SF3A2: variants seen among roughly 807,000 people sequenced by gnomAD.
The protein encoded by SF3A2 is splicing factor 3a subunit 2.
In SF3A2, 5 loss-of-function variants were observed where a neutral mutation model predicts 31.1. The observed-to-expected ratio is 0.16, with a 90% CI of 0.08 to 0.34. The LOEUF (loss-of-function observed/expected upper bound fraction) is 0.34. SF3A2 is among the 10% of genes least tolerant of loss of function. The pLI is 1.00. For synonymous variants in SF3A2, 365 were observed against 263.7 expected, an observed-to-expected ratio of 1.38 and a Z score of -3.72; for missense variants, 577 against 643.9, an observed-to-expected ratio of 0.90 and a Z score of 1.13.
chr19:2,237,907 G>C (rs1475579349), intron 1 of SF3A2: 6 of 152,250 alleles, frequency 3.9e-5, no homozygotes, highest in African/African-American at 1.4e-4. Context: ...TGTTGGCTAG[G>C]TTAAGGAGAG....
chr19:2,247,269 G>T, intron 7 of SF3A2: 1 of 544,178 alleles, frequency 1.8e-6, no homozygotes, highest in Non-Finnish European at 3.2e-6. Context: ...GGCCTGTGAG[G>T]CCTTTGCCAA....
At chr19:2,247,128 GCCC>G in intron 7 of SF3A2, 106 bp downstream of exon 7, 3 of 1,150,178 alleles carry the variant, frequency 2.6e-6, no homozygotes, top group Non-Finnish European at 3.6e-6. Flanking sequence ...GGTCCCCTGG[GCCC>G]CCCCCAAGTC....
intron 1 of SF3A2, among the ~76,000 whole-genome samples, chr19:2,242,400 CG>C (rs755213936): frequency 5.3e-5 from 8 of 152,180 alleles, no homozygotes; most frequent in Non-Finnish European, 1.2e-4. Flanking sequence ...TGCCTTGCCT[CG>C]GGGCCCCTTC....
chr19:2,240,436 C>T (rs1316675097), intron 1 of SF3A2, among the ~76,000 whole-genome samples: 1 of 152,224 alleles, frequency 6.6e-6, no homozygotes, highest in Non-Finnish European at 1.5e-5. Flanking sequence ...GGGGTGCCGC[C>T]CCATTTCAGC....
At chr19:2,241,019 C>T (rs756136461) in intron 1 of SF3A2, among the ~76,000 whole-genome samples, 3 of 152,194 alleles carry the variant, frequency 2.0e-5, no homozygotes, top group African/African-American at 7.2e-5. Context: ...CATGGGTGGG[C>T]GCTGTGGAGA....
At chr19:2,244,874 GC>G in intron 4 of SF3A2, 95 bp downstream of exon 4, 4 of 1,222,656 alleles carry the variant, frequency 3.3e-6, no homozygotes, top group Non-Finnish European at 4.7e-6. Flanking sequence ...CAGCCGGGGA[GC>G]CAGCCTGGCC....
At position 2,248,356 on chromosome 19, in the gene SF3A2, C is replaced by T. The variant is rs764127803; in HGVS notation, c.1205C>T (p.Pro402Leu). The T allele has an allele frequency of 7.2e-7, 1 of 1,385,604 alleles. No homozygotes were observed. Among genetic ancestry groups the T allele is most frequent in the Non-Finnish European group, 9.3e-7 (1 of 1,074,108 alleles). The allele number at this position is 1,385,604 out of a possible 1,614,324, so 85.8% of individuals were successfully genotyped here. Residue 402 changes from proline to leucine, a missense_variant, in exon 9 of 9, where the codon CCT (proline) becomes CTT (leucine). This residue lies in a region of SF3A2 where 462 missense variants were observed against 339.1 expected (regional missense o/e 1.36). Coordinates refer to ENST00000221494, the MANE Select transcript of SF3A2 (RefSeq NM_007165.5). ...GVHPPAPGMH[P>L]QAPGVHPQPP... ...CACCCACCAGCCCCAGGGATGCACCCTCAGGCCCCGGGGGTCCACCCCCAA... is the reference window on the plus strand; with the variant it reads ...CACCCACCAGCCCCAGGGATGCACCTTCAGGCCCCGGGGGTCCACCCCCAA...
At chr19:2,243,353 C>T in intron 1 of SF3A2, 29 bp from the exon 2 acceptor site, 3 of 1,460,108 alleles carry the variant, frequency 2.1e-6, no homozygotes, top group Non-Finnish European at 2.7e-6. Flanking sequence ...TCTGAGCCAT[C>T]TTCCTCACTC....
chr19:2,245,595 G>A lies in SF3A2; in HGVS notation c.355+40G>A, dbSNP rs922279092. The A allele has an allele frequency of 1.3e-5, 18 of 1,380,204 alleles. No individual in the cohort carries two copies. The highest frequency in any genetic ancestry group is 8.7e-5 in the South Asian group (7 of 80,638). 85.5% of individuals were successfully genotyped at this position (1,380,204 alleles called of 1,614,324 possible). A position where few individuals can be genotyped will look rare whatever the true frequency, so the allele number is the denominator to read the frequency against. On this transcript the variant is annotated intron_variant, in intron 5 of 8. Coordinates refer to ENST00000221494, the MANE Select transcript of SF3A2 (RefSeq NM_007165.5). This position sits in a 1 kb window ranked among gnomAD's most constrained non-coding sequence, Gnocchi z 4.2. ...AGCGGGGCCGGCCACAGCCGCTGCC[G>A]TGACATAAGTGTGTTCTTTAGTCTC...
intron 8 of SF3A2, 39 bp downstream of exon 8, chr19:2,247,701 G>A: frequency 6.2e-7 from 1 of 1,611,878 alleles, no homozygotes. Context: ...TTCCCACCCA[G>A]CCCTGGCGGC....
chr19:2,239,336 G>A (rs1425671053), intron 1 of SF3A2, among the ~76,000 whole-genome samples: 8 of 141,150 alleles, frequency 5.7e-5, no homozygotes, highest in East Asian at 4.1e-4. Context: ...CTGCCTGGGC[G>A]ACAGAGCGAG....
At position 2,248,570 on chromosome 19, in the gene SF3A2, G is replaced by C; in HGVS notation, c.*24G>C. 1.3e-6 allele frequency: 1 copy of C among 781,334 alleles called. No individual in the cohort carries two copies. 48.4% of individuals were successfully genotyped at this position (781,334 alleles called of 1,614,324 possible). ...GAGAAGCTGCTCCCTCCCCCAGCAA[G>C]CCCAGCGCCAGGTGCTCTTGCCTTT... On this transcript the variant is annotated 3_prime_UTR_variant, in exon 9 of 9. Coordinates refer to ENST00000221494, the MANE Select transcript of SF3A2 (RefSeq NM_007165.5).
At chr19:2,247,736 G>A (rs774446636) in intron 8 of SF3A2, 31 bp from the exon 9 acceptor site, 81 of 1,577,900 alleles carry the variant, frequency 5.1e-5, no homozygotes, top group Non-Finnish European at 6.0e-5. Context: ...AGCCCCACCC[G>A]TGCCTGCTGA....
Position 2,245,187 on chromosome 19 carries a change from T to TAAAAA in SF3A2, c.246-248_246-244dup. 2.5e-6 allele frequency: 1 copy of TAAAAA among 407,372 alleles called. No individual in the cohort carries two copies. The highest frequency in any genetic ancestry group is 4.3e-6 in the Non-Finnish European group (1 of 231,278). The allele number at this position is 407,372 out of a possible 1,614,324, so 25.2% of individuals were successfully genotyped here. ...CGACAGAGTGAGACTCTTGTCTTAT[T>TAAAAA]AAAAAAAAAAAAAAAGAGCAGAGGC... On this transcript the variant is annotated intron_variant, in intron 4 of 8. Coordinates refer to ENST00000221494, the MANE Select transcript of SF3A2 (RefSeq NM_007165.5). The surrounding 1 kb of genome is among the most constrained non-coding windows in gnomAD (Gnocchi z 4.2).
chr19:2,248,206 C>T lies in SF3A2; in HGVS notation c.1055C>T (p.Pro352Leu). The T allele has an allele frequency of 6.8e-7, 1 of 1,466,394 alleles. No individual in the cohort carries two copies. Among genetic ancestry groups the T allele is most frequent in the Non-Finnish European group, 9.2e-7 (1 of 1,092,342 alleles). The allele number at this position is 1,466,394 out of a possible 1,614,324, so 90.8% of individuals were successfully genotyped here. ...GVHPPAPGVH[P>L]PAPGVHPPAP... The stretch of plus-strand genomic sequence containing the variant: ...CACCCACCAGCCCCCGGAGTCCACC[C>T]ACCAGCCCCTGGGGTTCACCCACCA... The change falls in exon 9 of 9, where the codon CCA becomes CTA. Residue 352 changes from proline to leucine, a missense_variant. Pro to Leu is a moderately conservative substitution (Grantham distance 98, BLOSUM62 -3). Transcript: ENST00000221494.
chr19:2,237,824 C>T (rs1273423986), intron 1 of SF3A2: 1 of 152,170 alleles, frequency 6.6e-6, no homozygotes, highest in Non-Finnish European at 1.5e-5. Context: ...TGCAGGTGCA[C>T]CCCGCTGTGA....
Position 2,245,201 on chromosome 19 carries a change from AAG to A in SF3A2, c.246-242_246-241del, listed in dbSNP as rs2024921680. 5.9e-6 allele frequency: 3 copies of A among 505,662 alleles called. No homozygotes were observed. Among genetic ancestry groups the A allele is most frequent in the Non-Finnish European group, 1.0e-5 (3 of 287,166 alleles). 31.3% of individuals were successfully genotyped at this position (505,662 alleles called of 1,614,324 possible). On this transcript the variant is annotated intron_variant, in intron 4 of 8. Coordinates refer to ENST00000221494, the MANE Select transcript of SF3A2 (RefSeq NM_007165.5). This position sits in a 1 kb window ranked among gnomAD's most constrained non-coding sequence, Gnocchi z 4.2. ...TCTTGTCTTATTAAAAAAAAAAAAA[AAG>A]AGCAGAGGCATGGAGTTGTTGGAAG...
chr19:2,246,661 G>C lies in SF3A2; in HGVS notation c.356-92G>C, dbSNP rs1178638637. 2.0e-6 allele frequency: 3 copies of C among 1,473,408 alleles called. No individual in the cohort carries two copies. Among genetic ancestry groups the C allele is most frequent in the Non-Finnish European group, 2.8e-6 (3 of 1,066,730 alleles). 91.3% of individuals were successfully genotyped at this position (1,473,408 alleles called of 1,614,324 possible). A position where few individuals can be genotyped will look rare whatever the true frequency, so the allele number is the denominator to read the frequency against. On this transcript the variant is annotated intron_variant, in intron 5 of 8. Coordinates refer to ENST00000221494, the MANE Select transcript of SF3A2 (RefSeq NM_007165.5). This position sits in a 1 kb window ranked among gnomAD's most constrained non-coding sequence, Gnocchi z 5.5. ...GCTGCAGGGCCTCCCCCGGGGTCCC[G>C]CTCTCGTTCAGTGGGTGGCATTAGC...
chr19:2,246,906 G>T lies in SF3A2; in HGVS notation c.430G>T (p.Gly144Cys), dbSNP rs762198488. The part of the protein sequence containing the change: ...FQIDYPEIAE[G>C]IMPRHRFMSA... ...GATTGACTACCCTGAGATCGCCGAG[G>T]GCATCATGCCACGTCACCGCTTCAT... Residue 144 changes from glycine to cysteine, a missense_variant, in exon 7 of 9, where the codon GGC becomes TGC. Gly to Cys is a radical substitution (Grantham distance 159). Transcript: ENST00000221494. The surrounding 1 kb of genome is among the most constrained non-coding windows in gnomAD (Gnocchi z 5.5). The T allele has an allele frequency of 6.2e-7, 1 of 1,610,090 alleles. No homozygotes were observed. The highest frequency in any genetic ancestry group is 1.1e-5 in the South Asian group (1 of 90,876).
Sources: allele counts gnomAD v4.1 joint callset (sites outside exome capture counted in the v4.1 genomes callset), GRCh38; gene constraint gnomAD v4.1.1; regional missense constraint gnomAD v4.1.1; non-coding constraint Gnocchi (gnomAD v3.1); transcripts MANE v1.5; gene names NCBI Gene and HGNC (gene_info 2026-07-23, HGNC 2026-07-21).